Variants in DYNLL1 observed in about 807,000 individuals in gnomAD.
DYNLL1 encodes dynein light chain LC8-type 1.
Under a neutral mutation model 10.1 loss-of-function variants are expected in DYNLL1, and 3 were observed. That is an observed-to-expected ratio of 0.30 (90% CI 0.14 to 0.77). DYNLL1 has a LOEUF of 0.77. Among genes scored for constraint, DYNLL1 ranks in the 30% least tolerant of loss-of-function variants. The probability of loss-of-function intolerance (pLI) is 0.66; values close to 1 mark genes in which losing one functional copy is unlikely to be tolerated. For synonymous variants in DYNLL1, 46 were observed against 41.2 expected (o/e 1.12, Z -0.45); for missense variants, 47 against 111.7 (o/e 0.42, Z 2.61).
At chr12:120,487,636 G>T (rs962883630) in intron 1 of DYNLL1, among the ~76,000 whole-genome samples, 1 of 152,128 alleles carries the variant, frequency 6.6e-6, no homozygotes, top group African/African-American at 2.4e-5. Context: ...CTTCACAAAA[G>T]GGGGTGGGCT....
intron 2 of DYNLL1, 23 bp downstream of exon 2, chr12:120,496,576 A>G: frequency 2.5e-6 from 4 of 1,613,642 alleles, no homozygotes; most frequent in Non-Finnish European, 3.4e-6. Context: ...GCGGGGGCCG[A>G]TACGCAGCCG....
At chr12:120,491,739 A>G (rs1002773082), upstream of DYNLL1, 1 of 152,220 alleles carries the variant, frequency 6.6e-6, no homozygotes, top group Non-Finnish European at 1.5e-5. Flanking sequence ...GGGCCCTGGG[A>G]AAGTCTGATG....
intron 1 of DYNLL1, among the ~76,000 whole-genome samples, chr12:120,471,677 C>T (rs931701486): frequency 1.3e-5 from 2 of 152,000 alleles, no homozygotes; most frequent in Admixed American, 6.5e-5. Flanking sequence ...GTGGCGTGAT[C>T]TCGGCTCACT....
chr12:120,480,860 C>T (rs186929099), intron 1 of DYNLL1, among the ~76,000 whole-genome samples: 2 of 151,696 alleles, frequency 1.3e-5, no homozygotes, highest in African/African-American at 4.8e-5. Context: ...CCCGGGTTCA[C>T]GTCATTCTCC....
intron 1 of DYNLL1, among the ~76,000 whole-genome samples, chr12:120,486,920 G>A (rs1401623032): frequency 6.6e-6 from 1 of 151,820 alleles, no homozygotes; most frequent in East Asian, 1.9e-4. Context: ...CTACCTTTCA[G>A]TGTTGTGGGA....
At chr12:120,480,920 C>G (rs1017047600) in intron 1 of DYNLL1, among the ~76,000 whole-genome samples, 1 of 152,040 alleles carries the variant, frequency 6.6e-6, no homozygotes, top group Non-Finnish European at 1.5e-5. Flanking sequence ...CCACCATGCC[C>G]AGCTAATTTT....
chr12:120,479,926 C>G (rs1040746186), intron 1 of DYNLL1, among the ~76,000 whole-genome samples: 4 of 152,104 alleles, frequency 2.6e-5, no homozygotes, highest in Non-Finnish European at 5.9e-5. Context: ...GTATGAGTTG[C>G]CTTTACCATA....
At chr12:120,477,033 G>A (rs542438464) in intron 1 of DYNLL1, among the ~76,000 whole-genome samples, 1 of 152,058 alleles carries the variant, frequency 6.6e-6, no homozygotes, top group South Asian at 2.1e-4. Context: ...AGGTTCAAGC[G>A]ATTCTCCTGC....
chr12:120,477,677 A>T (rs983146011), intron 1 of DYNLL1, among the ~76,000 whole-genome samples: 1 of 152,108 alleles, frequency 6.6e-6, no homozygotes, highest in Non-Finnish European at 1.5e-5. Flanking sequence ...CTGGAGGTAG[A>T]AGCGGGAGGA....
At chr12:120,476,889 G>A (rs1375752462) in intron 1 of DYNLL1, among the ~76,000 whole-genome samples, 2 of 151,862 alleles carry the variant, frequency 1.3e-5, no homozygotes, top group Admixed American at 6.6e-5. Flanking sequence ...TGGGATTACA[G>A]GCATGAGCCA....
chr12:120,484,867 C>T (rs1328992693), intron 1 of DYNLL1, among the ~76,000 whole-genome samples: 1 of 151,954 alleles, frequency 6.6e-6, no homozygotes, highest in Non-Finnish European at 1.5e-5. Context: ...CCTCAGCCTC[C>T]TAAGTAGCCT....
upstream of DYNLL1, chr12:120,496,068 G>GGGTT: frequency 2.5e-6 from 1 of 407,824 alleles, no homozygotes; most frequent in East Asian, 5.2e-5. Flanking sequence ...CGGGAGCAGG[G>GGGTT]CGGGGCCTGA....
At chr12:120,492,804 T>C (rs1206592881), upstream of DYNLL1, among the ~76,000 whole-genome samples, 2 of 152,128 alleles carry the variant, frequency 1.3e-5, no homozygotes, top group Non-Finnish European at 2.9e-5. The surrounding 1 kb of genome is among the most constrained non-coding windows in gnomAD (Gnocchi z 4.1). Flanking sequence ...CCAAAATGTG[T>C]GATGCTACAG....
chr12:120,476,646 T>C (rs1481598792), intron 1 of DYNLL1, among the ~76,000 whole-genome samples: 1 of 152,124 alleles, frequency 6.6e-6, no homozygotes, highest in Non-Finnish European at 1.5e-5. Context: ...AGTTTCGCTC[T>C]TGTCACCCAG....
chr12:120,477,603 T>A (rs924939274), intron 1 of DYNLL1, among the ~76,000 whole-genome samples: 17 of 151,166 alleles, frequency 1.1e-4, no homozygotes, highest in Non-Finnish European at 1.6e-4. Flanking sequence ...AATAAATAAA[T>A]AAAAATAAAT....
intron 1 of DYNLL1, among the ~76,000 whole-genome samples, chr12:120,481,666 C>G (rs1474131052): frequency 6.6e-6 from 1 of 152,294 alleles, no homozygotes; most frequent in East Asian, 1.9e-4. Flanking sequence ...CACATCAATG[C>G]GTTCATCATT....
intron 1 of DYNLL1, among the ~76,000 whole-genome samples, chr12:120,478,432 G>T (rs1878804471): frequency 6.7e-6 from 1 of 149,530 alleles, no homozygotes; most frequent in African/African-American, 2.5e-5. Flanking sequence ...TTTAAATAGA[G>T]ACAGGGTCTC....
At chr12:120,487,753 T>C (rs2137064862) in intron 1 of DYNLL1, among the ~76,000 whole-genome samples, 1 of 152,208 alleles carries the variant, frequency 6.6e-6, no homozygotes, top group Non-Finnish European at 1.5e-5. Context: ...GTTATCTAGG[T>C]TTGCCCAGGC....
chr12:120,481,280 C>A (rs182107697), intron 1 of DYNLL1, among the ~76,000 whole-genome samples: 18 of 152,236 alleles, frequency 1.2e-4, no homozygotes, highest in Admixed American at 6.5e-4. Flanking sequence ...AACTGGACCT[C>A]TGAAAATTCT....
Sources: allele counts gnomAD v4.1 joint callset (sites outside exome capture counted in the v4.1 genomes callset), GRCh38; gene constraint gnomAD v4.1.1; non-coding constraint Gnocchi (gnomAD v3.1); transcripts MANE v1.5; gene names NCBI Gene and HGNC (gene_info 2026-07-23, HGNC 2026-07-21).